Variants in SMIM14 observed in about 807,000 individuals in gnomAD.
SMIM14 encodes the protein small integral membrane protein 14.
Under a neutral mutation model 12.6 loss-of-function variants are expected in SMIM14, and 5 were observed. The observed-to-expected ratio is 0.40, with a 90% CI of 0.21 to 0.83. The LOEUF (loss-of-function observed/expected upper bound fraction) is 0.83, where lower values mean the gene tolerates loss of function less well. SMIM14 is among the 40% of genes least tolerant of loss of function. The pLI is 0.37. For missense variants in SMIM14, 86 were observed against 119.1 expected (o/e 0.72, Z 1.29); for synonymous variants, 30 against 40.1 (o/e 0.75, Z 0.95).
At chr4:39,557,957 T>G (rs1712104459) in intron 3 of SMIM14, among the ~76,000 whole-genome samples, 1 of 152,190 alleles carries the variant, frequency 6.6e-6, no homozygotes, top group African/African-American at 2.4e-5. Flanking sequence ...ATTTTAAAAT[T>G]TTATCAATTT....
intron 1 of SMIM14, among the ~76,000 whole-genome samples, chr4:39,635,299 G>A (rs192239279): frequency 6.6e-4 from 101 of 152,312 alleles, no homozygotes; most frequent in African/African-American, 2.4e-3. Flanking sequence ...AGGATACAAG[G>A]TAAGATAAGA....
Position 39,572,514 on chromosome 4 carries a change from A to G in SMIM14, c.76-51T>C, listed in dbSNP as rs773878746. 7.6e-6 allele frequency: 11 copies of G among 1,455,338 alleles called. No homozygotes were observed. In the African/African-American group the frequency reaches 1.4e-4, roughly 19 times the overall value. The allele number at this position is 1,455,338 out of a possible 1,614,324, so 90.2% of individuals were successfully genotyped here. Reference sequence around the variant, plus strand: ...AGTGATTAGACTTAAACAAAAGTGGACCATAATTATTAGAAAGATCATGTT... The same window carrying G: ...AGTGATTAGACTTAAACAAAAGTGGGCCATAATTATTAGAAAGATCATGTT... On this transcript the variant is annotated intron_variant, in intron 2 of 4. Transcript: ENST00000295958.
At chr4:39,621,682 GTTTCTTTTT>G (rs1715494778) in intron 1 of SMIM14, among the ~76,000 whole-genome samples, 1 of 116,962 alleles carries the variant, frequency 8.5e-6, no homozygotes, top group Non-Finnish European at 1.7e-5. Flanking sequence ...ACAGCCAAAC[GTTTCTTTTT>G]TTTTTTTTTT....
intron 1 of SMIM14, among the ~76,000 whole-genome samples, chr4:39,620,347 C>T (rs975742676): frequency 3.3e-5 from 5 of 151,914 alleles, no homozygotes; most frequent in African/African-American, 4.8e-5. Context: ...GGCATGGTGG[C>T]GGGCGCCTGT....
intron 2 of SMIM14, among the ~76,000 whole-genome samples, chr4:39,604,056 C>A (rs1206724968): frequency 6.6e-6 from 1 of 151,604 alleles, no homozygotes; most frequent in East Asian, 1.9e-4. Context: ...TTCGTATTGT[C>A]ATGCCATATG....
intron 2 of SMIM14, among the ~76,000 whole-genome samples, chr4:39,596,186 C>T (rs903729908): frequency 1.3e-5 from 2 of 152,046 alleles, no homozygotes; most frequent in Non-Finnish European, 2.9e-5. Context: ...ACCTCCACCT[C>T]CCAGGTCCAA....
intron 1 of SMIM14, among the ~76,000 whole-genome samples, chr4:39,606,212 G>A (rs761737899): frequency 1.3e-5 from 2 of 152,046 alleles, no homozygotes; most frequent in Non-Finnish European, 2.9e-5. Flanking sequence ...TGGGCATGGT[G>A]GCACAAACCT....
At chr4:39,630,550 G>GA (rs1334288414) in intron 1 of SMIM14, among the ~76,000 whole-genome samples, 4 of 152,088 alleles carry the variant, frequency 2.6e-5, no homozygotes, top group African/African-American at 9.7e-5. Flanking sequence ...AAAATGCTTA[G>GA]AACTACTGTG....
chr4:39,561,882 G>A lies in SMIM14; in HGVS notation c.125-5312C>T, dbSNP rs146112754. Among the ~76,000 whole-genome samples, 581 of 152,146 alleles carry A rather than the reference G, an allele frequency of 3.8e-3. 3 individuals are homozygous for A. The highest frequency in any genetic ancestry group is 0.013 in the African/African-American group (551 of 41,532). Reference sequence around the variant, plus strand: ...CCCGGAAGACAGGTCGCAGTGAGCCGAGATCGTGCCACTGCACTCCAGCCT... The same window carrying A: ...CCCGGAAGACAGGTCGCAGTGAGCCAAGATCGTGCCACTGCACTCCAGCCT... On this transcript the variant is annotated intron_variant, in intron 3 of 4. Coordinates refer to ENST00000295958, the MANE Select transcript of SMIM14 (RefSeq NM_174921.3).
At chr4:39,556,700 A>G in intron 3 of SMIM14, 130 bp from the exon 4 acceptor site, 2 of 843,632 alleles carry the variant, frequency 2.4e-6, no homozygotes, top group Non-Finnish European at 3.4e-6. Flanking sequence ...AAAAGTACAT[A>G]TTATATCTTC....
At chr4:39,628,908 T>TTAA (rs1157007447) in intron 1 of SMIM14, among the ~76,000 whole-genome samples, 1 of 150,380 alleles carries the variant, frequency 6.6e-6, no homozygotes, top group Non-Finnish European at 1.5e-5. Context: ...AGTTTTTATA[T>TTAA]GGTTAGTAGA....
intron 4 of SMIM14, 38 bp downstream of exon 4, chr4:39,556,390 C>T (rs1264136393): frequency 1.3e-6 from 2 of 1,591,702 alleles, no homozygotes; most frequent in Non-Finnish European, 1.7e-6. Flanking sequence ...CACATACATT[C>T]CCTTACCCAA....
chr4:39,623,018 C>A (rs148404403), intron 1 of SMIM14, among the ~76,000 whole-genome samples: 2,732 of 152,220 alleles, frequency 0.018, 105 homozygotes, highest in African/African-American at 0.061. Context: ...TGATTCAAAC[C>A]AACCTAGTAA....
chr4:39,553,100 G>A (rs747462210), intron 4 of SMIM14, among the ~76,000 whole-genome samples: 16 of 149,436 alleles, frequency 1.1e-4, no homozygotes, highest in South Asian at 1.1e-3. Flanking sequence ...TCACTCTGTC[G>A]CCCAGGCTGG....
chr4:39,576,682 ATATTTTTTTTTTTTTTTTTTTTTTTTTT>A (rs1713209260), intron 2 of SMIM14, among the ~76,000 whole-genome samples: 2 of 31,020 alleles, frequency 6.4e-5, no homozygotes, highest in African/African-American at 3.1e-4. Context: ...ATATATATAT[ATATTTTTTTTTTTTTTTTTTTTTTTTTT>A]TTTTTTTTTT....
At chr4:39,620,395 C>G (rs1005147562) in intron 1 of SMIM14, among the ~76,000 whole-genome samples, 5 of 151,964 alleles carry the variant, frequency 3.3e-5, no homozygotes, top group Non-Finnish European at 7.4e-5. Context: ...AGGAGAATGG[C>G]GTGAACCTGG....
At position 39,556,441 on chromosome 4, in the gene SMIM14, G is replaced by A; in HGVS notation, c.254C>T (p.Thr85Ile). Residue 85 changes from threonine to isoleucine, a missense_variant, in exon 4 of 5, where the codon ACC becomes ATC. Thr to Ile is a moderately conservative substitution (Grantham distance 89). Coordinates refer to ENST00000295958, the MANE Select transcript of SMIM14 (RefSeq NM_174921.3). ...TGCAACACTTACATTATGAGGACTG[G>A]TTGGCTTTCCAGGTAGGCTGGATCC... ...LRGSSLPGKP[T>I]SPHNGQDPPA... is the part of the protein sequence containing the mutation. The A allele has an allele frequency of 6.2e-7, 1 of 1,612,132 alleles. No individual in the cohort carries two copies. Among genetic ancestry groups the A allele is most frequent in the Non-Finnish European group, 8.5e-7 (1 of 1,179,546 alleles).
chr4:39,570,403 G>C (rs7697061), intron 3 of SMIM14, among the ~76,000 whole-genome samples: 18,597 of 151,928 alleles, frequency 0.12, 2,609 homozygotes, highest in African/African-American at 0.34. Context: ...AACTGATCTG[G>C]CCACCTCAGC....
intron 2 of SMIM14, chr4:39,594,423 A>T (rs1714264109): frequency 6.6e-6 from 1 of 151,984 alleles, no homozygotes; most frequent in African/African-American, 2.4e-5. Flanking sequence ...TAAAGACTTA[A>T]ACGTTAGACC....
Sources: gnomAD v4.1 joint callset for allele counts (sites outside exome capture counted in the v4.1 genomes callset) on GRCh38, gnomAD v4.1.1 for gene constraint, MANE v1.5 for transcripts, NCBI Gene and HGNC (gene_info 2026-07-23, HGNC 2026-07-21) for gene names.